Variants in CELF2 observed in about 807,000 individuals in gnomAD.
CELF2 encodes CUGBP Elav-like family member 2.
CELF2 carries 8 observed loss-of-function variants against 62.6 expected under a neutral mutation model. That is an observed-to-expected ratio of 0.13 (90% confidence interval 0.07 to 0.23). CELF2 has a LOEUF of 0.23. Ranked by LOEUF, CELF2 falls within the 10% of genes least tolerant of loss-of-function variation. The pLI, the probability that CELF2 is intolerant of heterozygous loss-of-function variation, is 1.00. For synonymous variants in CELF2, 258 were observed against 250.0 expected, an observed-to-expected ratio of 1.03 and a Z score of -0.30; for missense variants, 333 against 671.0, an observed-to-expected ratio of 0.50 and a Z score of 5.56.
At chr10:11,051,905 T>C (rs566722885) in intron 1 of CELF2, among the ~76,000 whole-genome samples, 5 of 147,784 alleles carry the variant, frequency 3.4e-5, no homozygotes, top group African/African-American at 1.0e-4. Context: ...TTAATACTTT[T>C]TTTTTTTTTT....
At position 11,217,142 on chromosome 10, in the gene CELF2, A is replaced by G. The variant is rs913624659; in HGVS notation, c.272-283A>G. The stretch of plus-strand genomic sequence containing the variant: ...CACAGGTCCCATTCACATCTCACCC[A>G]TTCCTCCACCACCTCCCACCCTCAT... On this transcript the variant is annotated intron_variant, in intron 2 of 12. Transcript: ENST00000633077. This position sits in a 1 kb window ranked among gnomAD's most constrained non-coding sequence, Gnocchi z 5.6. Among the ~76,000 whole-genome samples the G allele has an allele frequency of 5.9e-5, 9 of 152,170 alleles. No individual in the cohort carries two copies. In the East Asian group the frequency reaches 1.7e-3, roughly 29 times the overall value.
At chr10:10,712,740 A>C in the CELF2 span, among the ~76,000 whole-genome samples, 4 of 152,144 alleles carry the variant, frequency 2.6e-5, no homozygotes, top group African/African-American at 9.7e-5. Flanking sequence ...TCATGCCTCC[A>C]TCATCTCTCA....
chr10:10,695,896 A>T, the CELF2 span, among the ~76,000 whole-genome samples: 696 of 149,374 alleles, frequency 4.7e-3, 6 homozygotes, highest in African/African-American at 0.016. Context: ...GTTATTCTAG[A>T]TATACATTCT....
chr10:10,932,674 GTA>G (rs1277956021), intron 2 of CELF2, among the ~76,000 whole-genome samples: 7 of 131,736 alleles, frequency 5.3e-5, no homozygotes, highest in African/African-American at 1.4e-4. Flanking sequence ...ATATGTATGT[GTA>G]TGTGTGTGTG....
At chr10:10,644,392 AGT>A in the CELF2 span, among the ~76,000 whole-genome samples, 1 of 110,120 alleles carries the variant, frequency 9.1e-6, no homozygotes. Flanking sequence ...GAAACTGCAC[AGT>A]GTGTGTTCGT....
chr10:10,559,498 T>C, the CELF2 span, among the ~76,000 whole-genome samples: 1 of 152,232 alleles, frequency 6.6e-6, no homozygotes, highest in East Asian at 1.9e-4. Context: ...CCAAAGGTTT[T>C]GTTTTAATCA....
chr10:10,580,119 T>C, the CELF2 span, among the ~76,000 whole-genome samples: 1 of 152,100 alleles, frequency 6.6e-6, no homozygotes. Flanking sequence ...AATAATATAT[T>C]ACAAAATATG....
chr10:10,825,006 G>T (rs931967381), intron 1 of CELF2, among the ~76,000 whole-genome samples: 6 of 152,030 alleles, frequency 3.9e-5, no homozygotes, highest in Non-Finnish European at 1.5e-5. Flanking sequence ...TTTAATAAGC[G>T]TTTGTAATTA....
chr10:11,197,201 T>C (rs1340347987), intron 2 of CELF2, among the ~76,000 whole-genome samples: 1 of 152,036 alleles, frequency 6.6e-6, no homozygotes, highest in African/African-American at 2.4e-5. Context: ...AAGAAATCTC[T>C]GGTTGAACGT....
the CELF2 span, among the ~76,000 whole-genome samples, chr10:10,602,622 TAATA>T: frequency 6.6e-6 from 1 of 152,188 alleles, no homozygotes; most frequent in Non-Finnish European, 1.5e-5. Flanking sequence ...GTTTTTTAAT[TAATA>T]AATTTATTAA....
rs1161720115 is a variant in CELF2 at position 11,224,430 on chromosome 10, A to G, written c.354+6923A>G. ...AGATTTCAGAGATAATCATTTCTCT[A>G]CGACAGCCCAAGATTAAACTGGGAA... On this transcript the variant is annotated intron_variant, in intron 3 of 12. Transcript: ENST00000633077. This position sits in a 1 kb window ranked among gnomAD's most constrained non-coding sequence, Gnocchi z 4.5. Among the ~76,000 whole-genome samples the G allele has an allele frequency of 1.3e-5, 2 of 152,198 alleles. No homozygotes were observed. The highest frequency in any genetic ancestry group is 4.8e-5 in the African/African-American group (2 of 41,454).
chr10:11,212,363 A>G (rs531107637), intron 2 of CELF2, among the ~76,000 whole-genome samples: 5 of 152,084 alleles, frequency 3.3e-5, no homozygotes, highest in African/African-American at 1.2e-4. Flanking sequence ...TTCACAGACA[A>G]TGCTCTGTGC....
At chr10:10,555,222 C>G in the CELF2 span, among the ~76,000 whole-genome samples, 1 of 151,454 alleles carries the variant, frequency 6.6e-6, no homozygotes, top group African/African-American at 2.4e-5. Flanking sequence ...AGAGGAAAAT[C>G]TTAAGAGGAA....
chr10:11,165,624 A>C lies in CELF2; in HGVS notation c.213A>C (p.Gly71=). The C allele has an allele frequency of 6.2e-7, 1 of 1,614,138 alleles. No homozygotes were observed. Among genetic ancestry groups the C allele is most frequent in the Middle Eastern group, 1.6e-4 (1 of 6,062 alleles). ...KELKELFEPY[G]AVYQINVLRD... Reference sequence around the variant, plus strand: ...TGAAAGAACTTTTTGAGCCTTACGGAGCCGTCTACCAGATCAACGTCCTCC... The same window carrying C: ...TGAAAGAACTTTTTGAGCCTTACGGCGCCGTCTACCAGATCAACGTCCTCC... Residue 71 remains glycine, a synonymous_variant, in exon 2 of 13, where the codon GGA becomes GGC. Transcript: ENST00000633077. This position sits in a 1 kb window ranked among gnomAD's most constrained non-coding sequence, Gnocchi z 7.4.
At chr10:10,575,870 C>A in the CELF2 span, among the ~76,000 whole-genome samples, 8 of 152,172 alleles carry the variant, frequency 5.3e-5, no homozygotes, top group African/African-American at 1.9e-4. Flanking sequence ...AAAAAAACAT[C>A]TTTCAAGATC....
At chr10:10,566,300 A>G in the CELF2 span, among the ~76,000 whole-genome samples, 1 of 151,836 alleles carries the variant, frequency 6.6e-6, no homozygotes, top group Non-Finnish European at 1.5e-5. Context: ...TCCACAGCAA[A>G]CATGCAGGAA....
intron 5 of CELF2, among the ~76,000 whole-genome samples, chr10:11,261,331 G>T (rs2080484886): frequency 6.6e-6 from 1 of 151,700 alleles, no homozygotes; most frequent in South Asian, 2.1e-4. Context: ...AGTTGACCCA[G>T]TACCCCCACT....
chr10:10,568,840 T>C, the CELF2 span, among the ~76,000 whole-genome samples: 2 of 152,154 alleles, frequency 1.3e-5, no homozygotes, highest in Admixed American at 1.3e-4. Flanking sequence ...TAGGGAAGTA[T>C]GGTGGAATTG....
rs2096067049 is a variant in CELF2, at chr10:11,333,524, T to C, written c.*4471T>C. 6.6e-6 allele frequency: 1 copy of C among 152,392 alleles called. No individual in the cohort carries two copies. Among genetic ancestry groups the C allele is most frequent in the South Asian group, 2.1e-4 (1 of 4,832 alleles). The allele number at this position is 152,392 out of a possible 1,614,324, so 9.4% of individuals were successfully genotyped here. ...GGAATCATTTTACTGTTTGTTTTTATTATCTTAAGTGCTAATTAAAAAAAA... is the reference window on the plus strand; with the variant it reads ...GGAATCATTTTACTGTTTGTTTTTACTATCTTAAGTGCTAATTAAAAAAAA... On this transcript the variant is annotated 3_prime_UTR_variant, in exon 13 of 13. Coordinates refer to ENST00000633077, the MANE Select transcript of CELF2 (RefSeq NM_001326342.2).
Sources: allele counts gnomAD v4.1 joint callset (sites outside exome capture counted in the v4.1 genomes callset), GRCh38; gene constraint gnomAD v4.1.1; non-coding constraint Gnocchi (gnomAD v3.1); transcripts MANE v1.5; gene names NCBI Gene and HGNC (gene_info 2026-07-23, HGNC 2026-07-21).